Variants in MAP2K4 observed in about 807,000 individuals in gnomAD.
The protein encoded by MAP2K4 is dual specificity mitogen-activated protein kinase kinase 4.
A neutral mutation model predicts 48.5 loss-of-function variants in MAP2K4; 4 were observed. That is an observed-to-expected ratio of 0.08 (90% CI 0.04 to 0.19). The LOEUF is 0.19. Ranked by LOEUF, MAP2K4 falls within the 10% of genes least tolerant of loss-of-function variation. MAP2K4 has a pLI of 1.00. For synonymous variants in MAP2K4, 166 were observed against 173.1 expected (o/e 0.96, Z 0.32); for missense variants, 258 against 493.3 (o/e 0.52, Z 4.52).
At chr17:12,131,259 G>GT (rs1973015052) in intron 9 of MAP2K4, among the ~76,000 whole-genome samples, 1 of 96,488 alleles carries the variant, frequency 1.0e-5, no homozygotes, top group Non-Finnish European at 2.2e-5. Flanking sequence ...TTTCTTTCTT[G>GT]TTTTTTTGGA....
intron 4 of MAP2K4, among the ~76,000 whole-genome samples, chr17:12,097,651 A>G (rs1597464060): frequency 6.6e-6 from 1 of 152,226 alleles, no homozygotes; most frequent in African/African-American, 2.4e-5. Flanking sequence ...TGTTGTTTTC[A>G]CATATGTTTT....
intron 2 of MAP2K4, among the ~76,000 whole-genome samples, chr17:12,067,270 T>C (rs974827165): frequency 6.6e-6 from 1 of 152,258 alleles, no homozygotes; most frequent in Non-Finnish European, 1.5e-5. Flanking sequence ...TGGTGAAATG[T>C]ACTTTTAAAA....
intron 1 of MAP2K4, among the ~76,000 whole-genome samples, chr17:12,027,655 G>T (rs1245011802): frequency 6.6e-6 from 1 of 152,012 alleles, no homozygotes; most frequent in African/African-American, 2.4e-5. Flanking sequence ...TGACATTAAG[G>T]AGCTCCCCTG....
At chr17:12,047,163 GT>G (rs568733989) in intron 1 of MAP2K4, among the ~76,000 whole-genome samples, 5 of 148,622 alleles carry the variant, frequency 3.4e-5, no homozygotes, top group Non-Finnish European at 6.0e-5. Flanking sequence ...GAATTATTTT[GT>G]TTTTTTTTTC....
chr17:12,099,896 C>G (rs1016662370), intron 4 of MAP2K4, among the ~76,000 whole-genome samples: 1 of 152,172 alleles, frequency 6.6e-6, no homozygotes, highest in African/African-American at 2.4e-5. Flanking sequence ...GCAATAAATT[C>G]TAGTGCAGAA....
At chr17:12,052,658 T>C (rs1176313037) in intron 1 of MAP2K4, among the ~76,000 whole-genome samples, 1 of 152,150 alleles carries the variant, frequency 6.6e-6, no homozygotes, top group Non-Finnish European at 1.5e-5. Context: ...CACACGGAGG[T>C]AATGGATGAT....
chr17:12,055,561 T>G (rs1336068105), intron 2 of MAP2K4, among the ~76,000 whole-genome samples: 1 of 152,072 alleles, frequency 6.6e-6, no homozygotes, highest in East Asian at 1.9e-4. Flanking sequence ...TTTGAGCTAG[T>G]TTCGATGTTG....
At chr17:12,123,425 C>G (rs1972756345) in intron 7 of MAP2K4, among the ~76,000 whole-genome samples, 1 of 151,992 alleles carries the variant, frequency 6.6e-6, no homozygotes, top group South Asian at 2.1e-4. Flanking sequence ...TGTATCTTTT[C>G]TTTTTCTGTG....
intron 1 of MAP2K4, among the ~76,000 whole-genome samples, chr17:12,028,819 TATC>T (rs1279252908): frequency 6.6e-6 from 1 of 152,168 alleles, no homozygotes; most frequent in East Asian, 1.9e-4. Flanking sequence ...TGATTTATAT[TATC>T]AACCTAGAGG....
rs757462224 is a variant in MAP2K4 at position 12,083,765 on chromosome 17, GTTCA to G, written c.393+2243_393+2246del. On this transcript the variant is annotated intron_variant, in intron 3 of 10. Transcript: ENST00000353533. ...ATAGTCTTTCATCACACTTGAGAGA[GTTCA>G]TTCATTCCTCATTTAGGTACATTGA... Among the ~76,000 whole-genome samples, 10 of 152,290 alleles carry G rather than the reference GTTCA, an allele frequency of 6.6e-5. No individual in the cohort carries two copies. The East Asian group carries it at 1.5e-3, about 24-fold the overall frequency.
chr17:12,084,450 TAGGGCTGCC>T (rs1971293359), intron 3 of MAP2K4, among the ~76,000 whole-genome samples: 1 of 152,162 alleles, frequency 6.6e-6, no homozygotes, highest in Non-Finnish European at 1.5e-5. Flanking sequence ...TGACTAGTCT[TAGGGCTGCC>T]TAGGGCAAAG....
intron 1 of MAP2K4, among the ~76,000 whole-genome samples, chr17:12,022,065 G>A (rs1377725043): frequency 2.0e-5 from 3 of 152,166 alleles, no homozygotes; most frequent in Non-Finnish European, 4.4e-5. Context: ...AACAGAATAA[G>A]GGTTGGGGTA....
intron 4 of MAP2K4, among the ~76,000 whole-genome samples, chr17:12,098,497 G>A (rs1971832511): frequency 6.6e-6 from 1 of 150,658 alleles, no homozygotes; most frequent in Admixed American, 6.6e-5. Flanking sequence ...AAAAAAGTAT[G>A]TGTGTATGTA....
intron 2 of MAP2K4, among the ~76,000 whole-genome samples, chr17:12,079,520 A>T (rs144028358): frequency 1.3e-5 from 2 of 152,276 alleles, no homozygotes; most frequent in African/African-American, 4.8e-5. Flanking sequence ...CCTACACAAA[A>T]ATACGAACAC....
At chr17:12,115,659 A>G (rs370429210) in intron 7 of MAP2K4, 14 of 754,730 alleles carry the variant, frequency 1.9e-5, no homozygotes, top group African/African-American at 1.0e-4. Flanking sequence ...TAACACAGCA[A>G]AGTGAACCAG....
intron 7 of MAP2K4, among the ~76,000 whole-genome samples, chr17:12,118,788 A>G (rs928831632): frequency 2.6e-5 from 4 of 152,196 alleles, no homozygotes; most frequent in African/African-American, 9.6e-5. Context: ...GATGTCATAC[A>G]TGCTGTTGCC....
intron 1 of MAP2K4, among the ~76,000 whole-genome samples, chr17:12,023,168 C>T (rs1300717768): frequency 6.6e-6 from 1 of 152,136 alleles, no homozygotes; most frequent in Non-Finnish European, 1.5e-5. Flanking sequence ...ATATCTTGTT[C>T]TTGAAACTTT....
At chr17:12,085,583 C>G (rs1165494164) in intron 3 of MAP2K4, among the ~76,000 whole-genome samples, 1 of 152,036 alleles carries the variant, frequency 6.6e-6, no homozygotes, top group East Asian at 1.9e-4. Flanking sequence ...TACCCTTTCA[C>G]CTCTACTGTT....
intron 1 of MAP2K4, among the ~76,000 whole-genome samples, chr17:12,036,125 T>C (rs1969590320): frequency 6.6e-6 from 1 of 152,214 alleles, no homozygotes; most frequent in Non-Finnish European, 1.5e-5. Context: ...CTTCAGTTTA[T>C]TTTCTAAATA....
Sources: allele counts gnomAD v4.1 joint callset (sites outside exome capture counted in the v4.1 genomes callset), GRCh38; gene constraint gnomAD v4.1.1; transcripts MANE v1.5; gene names NCBI Gene and HGNC (gene_info 2026-07-23, HGNC 2026-07-21).